Variants in EGFL8 observed in about 807,000 individuals in gnomAD.
EGFL8 encodes the protein epidermal growth factor-like protein 8.
EGFL8 carries 32 observed loss-of-function variants against 39.4 expected under a neutral mutation model. The ratio of observed to expected loss-of-function variants is 0.81; its 90% CI spans 0.61 to 1.09. The LOEUF (loss-of-function observed/expected upper bound fraction) is 1.09, where lower values mean the gene tolerates loss of function less well. Ranked by LOEUF, EGFL8 falls within the 50% of genes least tolerant of loss-of-function variation. The pLI is 0.00. For missense variants in EGFL8, 385 were observed against 402.2 expected (o/e 0.96, Z 0.37); for synonymous variants, 177 against 168.5 (o/e 1.05, Z -0.39).
Position 32,166,071 on chromosome 6 carries a change from A to G in EGFL8, c.-28-67A>G. 1 of 1,263,638 alleles carries G rather than the reference A, an allele frequency of 7.9e-7. No homozygotes were observed. Among genetic ancestry groups the G allele is most frequent in the Non-Finnish European group, 1.1e-6 (1 of 869,822 alleles). 78.3% of individuals were successfully genotyped at this position (1,263,638 alleles called of 1,614,324 possible). ...GAGGGTACCTGCAGAGTGCCCTTGGAGGGACTAGTGCTGGAGAAATTAATA... is the reference window on the plus strand; with the variant it reads ...GAGGGTACCTGCAGAGTGCCCTTGGGGGGACTAGTGCTGGAGAAATTAATA... On this transcript the variant is annotated intron_variant, in intron 1 of 8. Coordinates refer to ENST00000333845, the MANE Select transcript of EGFL8 (RefSeq NM_030652.4). The surrounding 1 kb of genome is among the most constrained non-coding windows in gnomAD (Gnocchi z 7.3).
rs549541405 is a variant in EGFL8 at position 32,166,874 on chromosome 6, C to T, written c.335-36C>T. The T allele has an allele frequency of 6.9e-6, 11 of 1,589,928 alleles. No individual in the cohort carries two copies. The highest frequency in any genetic ancestry group is 7.7e-6 in the Non-Finnish European group (9 of 1,166,470). On this transcript the variant is annotated intron_variant, in intron 4 of 8. Transcript: ENST00000333845. The surrounding 1 kb of genome is among the most constrained non-coding windows in gnomAD (Gnocchi z 7.3). ...CCACGGAGCTGGGGAGCTGGGTCGT[C>T]GGTTTGAGTCTGAACCCCACTTCCT...
Position 32,166,005 on chromosome 6 carries a change from C to G in EGFL8, c.-28-133C>G. On this transcript the variant is annotated intron_variant, in intron 1 of 8. Coordinates refer to ENST00000333845, the MANE Select transcript of EGFL8 (RefSeq NM_030652.4). This position sits in a 1 kb window ranked among gnomAD's most constrained non-coding sequence, Gnocchi z 7.3. ...GTTGTACACACAGGTGTAGGCAATC[C>G]TGGTGGCTAGTATGTAAAAGTGAAT... 1.4e-6 allele frequency: 1 copy of G among 692,260 alleles called. No homozygotes were observed. Among genetic ancestry groups the G allele is most frequent in the Non-Finnish European group, 2.6e-6 (1 of 383,420 alleles). The allele number at this position is 692,260 out of a possible 1,614,324, so 42.9% of individuals were successfully genotyped here.
Position 32,166,983 on chromosome 6 carries a change from G to T in EGFL8, c.408G>T (p.Trp136Cys). 6.2e-7 allele frequency: 1 copy of T among 1,613,106 alleles called. No individual in the cohort carries two copies. Among genetic ancestry groups the T allele is most frequent in the South Asian group, 1.1e-5 (1 of 91,084 alleles). Residue 136 changes from tryptophan to cysteine, a missense_variant, in exon 5 of 9, where the codon TGG becomes TGT. Transcript: ENST00000333845. The surrounding 1 kb of genome is among the most constrained non-coding windows in gnomAD (Gnocchi z 7.3). ...RPDQCECAPG[W>C]GGKHCHVDVD... ...ACCAGTGCGAGTGCGCCCCCGGCTG[G>T]GGAGGGAAGCACTGTCATGTGGGTG...
Position 32,167,404 on chromosome 6 carries a change from G to C in EGFL8, c.656G>C (p.Arg219Pro), listed in dbSNP as rs138835391. 1.9e-6 allele frequency: 3 copies of C among 1,613,068 alleles called. No homozygotes were observed. The highest frequency in any genetic ancestry group is 2.5e-6 in the Non-Finnish European group (3 of 1,180,024). ...RALKQEIHEL[R>P]GRLERLEQWA... The stretch of plus-strand genomic sequence containing the variant: ...CTGAAGCAGGAGATTCACGAGCTGC[G>C]AGGGCGCCTGGAGCGGCTGGAGCAG... The change falls in exon 7 of 9, where the codon CGA becomes CCA. Residue 219 changes from arginine to proline, a missense_variant. By Grantham distance (103) the Arg-to-Pro change is moderately radical (BLOSUM62 -2). Coordinates refer to ENST00000333845, the MANE Select transcript of EGFL8 (RefSeq NM_030652.4). The surrounding 1 kb of genome is among the most constrained non-coding windows in gnomAD (Gnocchi z 6.4).
chr6:32,167,610 ATC>A lies in EGFL8; in HGVS notation c.794_795del (p.Leu265GlnfsTer17), dbSNP rs1784653626. On this transcript the variant is annotated frameshift_variant, in exon 8 of 9. Coordinates refer to ENST00000333845, the MANE Select transcript of EGFL8 (RefSeq NM_030652.4). LOFTEE classifies it high-confidence loss of function. This position sits in a 1 kb window ranked among gnomAD's most constrained non-coding sequence, Gnocchi z 6.4. ...ELWGRGDRIE[S>X]LSDQVLLLEE... is the part of the protein sequence containing the mutation. Reference sequence around the variant, plus strand: ...TGTGGGGCCGGGGTGACCGGATCGAATCTCTCAGCGACCAGGTGCTGCTGCTG... The same window carrying A: ...TGTGGGGCCGGGGTGACCGGATCGAATCTCAGCGACCAGGTGCTGCTGCTG... 1 of 1,611,244 alleles carries A rather than the reference ATC, an allele frequency of 6.2e-7. No homozygotes were observed. The highest frequency in any genetic ancestry group is 1.3e-5 in the African/African-American group (1 of 75,018).
rs1227629308 is a variant in EGFL8, at chr6:32,166,097, G to T, written c.-28-41G>T. On this transcript the variant is annotated intron_variant, in intron 1 of 8. Transcript: ENST00000333845. This position sits in a 1 kb window ranked among gnomAD's most constrained non-coding sequence, Gnocchi z 7.3. ...GGGACTAGTGCTGGAGAAATTAATAGGAGAGGGGACGGGCATCCATTAACC... is the reference window on the plus strand; with the variant it reads ...GGGACTAGTGCTGGAGAAATTAATATGAGAGGGGACGGGCATCCATTAACC... 4.0e-6 allele frequency: 6 copies of T among 1,508,286 alleles called. No homozygotes were observed. The Admixed American group carries it at 1.0e-4, about 26-fold the overall frequency. The allele number at this position is 1,508,286 out of a possible 1,614,324, so 93.4% of individuals were successfully genotyped here.
In EGFL8 at chr6:32,166,188, G is replaced by C; in HGVS notation, c.23G>C (p.Cys8Ser). The C allele has an allele frequency of 6.2e-7, 1 of 1,614,144 alleles. No homozygotes were observed. Among genetic ancestry groups the C allele is most frequent in the Non-Finnish European group, 8.5e-7 (1 of 1,180,008 alleles). Residue 8 changes from cysteine (C) to serine (S), a missense_variant, in exon 2 of 9, where the codon TGC (cysteine) becomes TCC (serine). Transcript: ENST00000333845. This position sits in a 1 kb window ranked among gnomAD's most constrained non-coding sequence, Gnocchi z 7.3. ...ATCATGGGGTCCAGGGCTGAGCTGT[G>C]CACTCTCTTAGGCGGATTCTCCTTC... MGSRAEL[C>S]TLLGGFSFLL...
rs1481606137 is a variant in EGFL8 at position 32,166,351 on chromosome 6, A to G, written c.101+85A>G. On this transcript the variant is annotated intron_variant, in intron 2 of 8. Coordinates refer to ENST00000333845, the MANE Select transcript of EGFL8 (RefSeq NM_030652.4). The surrounding 1 kb of genome is among the most constrained non-coding windows in gnomAD (Gnocchi z 7.3). ...TGGGGCTTCACAGGAGGCAAAACAT[A>G]ACTGTAAGTTTAGAATGGGGGTGAG... The G allele has an allele frequency of 1.5e-5, 24 of 1,592,458 alleles. No homozygotes were observed. The highest frequency in any genetic ancestry group is 2.1e-5 in the Non-Finnish European group (24 of 1,162,658).
In EGFL8 at chr6:32,167,553, T is replaced by C; in HGVS notation, c.732T>C (p.Pro244=). The change falls in exon 8 of 9, where the codon CCT becomes CCC. Residue 244 remains proline, a synonymous_variant. Coordinates refer to ENST00000333845, the MANE Select transcript of EGFL8 (RefSeq NM_030652.4). The surrounding 1 kb of genome is among the most constrained non-coding windows in gnomAD (Gnocchi z 6.4). ...AWVRAVLPVP[P]EELQPEQVAE... ...TCAGAGCGGTGCTGCCCGTGCCGCC[T>C]GAAGAGCTGCAGCCAGAACAGGTGG... 1 of 1,609,542 alleles carries C rather than the reference T, an allele frequency of 6.2e-7. No homozygotes were observed. Among genetic ancestry groups the C allele is most frequent in the Non-Finnish European group, 8.5e-7 (1 of 1,179,842 alleles).
Position 32,166,676 on chromosome 6 carries a change from T to C in EGFL8, c.225-25T>C. 1 of 1,613,558 alleles carries C rather than the reference T, an allele frequency of 6.2e-7. No homozygotes were observed. Among genetic ancestry groups the C allele is most frequent in the South Asian group, 1.1e-5 (1 of 91,060 alleles). On this transcript the variant is annotated intron_variant, in intron 3 of 8. Transcript: ENST00000333845. The surrounding 1 kb of genome is among the most constrained non-coding windows in gnomAD (Gnocchi z 7.3). ...CCCCAACTAGGACCCGTACTCAGGG[T>C]CCTGAGCCGGGCGCTGTGTTCCAGG...
rs1205501733 is a variant in EGFL8 at position 32,168,207 on chromosome 6, C to G, written c.*251C>G. On this transcript the variant is annotated 3_prime_UTR_variant, in exon 9 of 9. Coordinates refer to ENST00000333845, the MANE Select transcript of EGFL8 (RefSeq NM_030652.4). The surrounding 1 kb of genome is among the most constrained non-coding windows in gnomAD (Gnocchi z 4.5). Reference sequence around the variant, plus strand: ...CCTTAACAAATGCAACCACCAACACCCAGATCTCTCTCTCTCTTTATTTTC... The same window carrying G: ...CCTTAACAAATGCAACCACCAACACGCAGATCTCTCTCTCTCTTTATTTTC... 1 of 511,242 alleles carries G rather than the reference C, an allele frequency of 2.0e-6. No homozygotes were observed. Among genetic ancestry groups the G allele is most frequent in the Non-Finnish European group, 3.5e-6 (1 of 285,648 alleles). 31.7% of individuals were successfully genotyped at this position (511,242 alleles called of 1,614,324 possible). A position where few individuals can be genotyped will look rare whatever the true frequency, so the allele number is the denominator to read the frequency against.
At chr6:32,165,752 T>A (rs1784434369) in intron 1 of EGFL8, 2 of 255,454 alleles carry the variant, frequency 7.8e-6, no homozygotes, top group Non-Finnish European at 1.5e-5. Flanking sequence ...TGCCATTGCA[T>A]TCCAGCCTGG....
chr6:32,166,296 G>A lies in EGFL8; in HGVS notation c.101+30G>A. On this transcript the variant is annotated intron_variant, in intron 2 of 8. Transcript: ENST00000333845. The surrounding 1 kb of genome is among the most constrained non-coding windows in gnomAD (Gnocchi z 7.3). Reference sequence around the variant, plus strand: ...CAACAGAGGGGGTAGGGCCCGGGGTGAGCTCTTCTCAGGAGCCTTCTGCTG... The same window carrying A: ...CAACAGAGGGGGTAGGGCCCGGGGTAAGCTCTTCTCAGGAGCCTTCTGCTG... The A allele has an allele frequency of 6.2e-7, 1 of 1,611,524 alleles. No homozygotes were observed. Among genetic ancestry groups the A allele is most frequent in the South Asian group, 1.1e-5 (1 of 91,004 alleles).
intron 1 of EGFL8, chr6:32,165,786 CA>C (rs1009054759): frequency 2.9e-6 from 1 of 339,246 alleles, no homozygotes; most frequent in Non-Finnish European, 5.4e-6. Context: ...AACTCCTTCT[CA>C]AAAACAAAAA....
Position 32,166,201 on chromosome 6 carries a change from C to G in EGFL8, c.36C>G (p.Gly12=). The G allele has an allele frequency of 1.9e-6, 3 of 1,614,058 alleles. No homozygotes were observed. The South Asian group carries it at 3.3e-5, about 18-fold the overall frequency. Residue 12 remains glycine, a synonymous_variant, in exon 2 of 9, where the codon GGC becomes GGG. Coordinates refer to ENST00000333845, the MANE Select transcript of EGFL8 (RefSeq NM_030652.4). The surrounding 1 kb of genome is among the most constrained non-coding windows in gnomAD (Gnocchi z 7.3). ...GGGCTGAGCTGTGCACTCTCTTAGG[C>G]GGATTCTCCTTCCTCCTGCTACTGA... The part of the protein sequence containing the change: ...GSRAELCTLL[G]GFSFLLLLIP...
chr6:32,166,258 CAG>C lies in EGFL8; in HGVS notation c.100_101del (p.Gln35GlyfsTer76), dbSNP rs1220486376. 3.7e-6 allele frequency: 6 copies of C among 1,613,776 alleles called. No individual in the cohort carries two copies. Among genetic ancestry groups the C allele is most frequent in the African/African-American group, 1.3e-5 (1 of 74,902 alleles). On this transcript the variant is annotated frameshift_variant, in exon 2 of 9. Transcript: ENST00000333845. LOFTEE classifies it high-confidence loss of function. This position sits in a 1 kb window ranked among gnomAD's most constrained non-coding sequence, Gnocchi z 7.3. ...GCGAGGGGGCCAAGGGTGGATCCCT[CAG>C]AGAGAGGTGACAACAGAGGGGGTAG... ...PGEGAKGGSL[R>X]ESQGVCSKQT...
At position 32,167,289 on chromosome 6, in the gene EGFL8, G is replaced by T; in HGVS notation, c.601+32G>T. ...GGGCAGGAGTACGGGCCACCCGAGG[G>T]ACTCGGGACGGGCGTCCGGGCTCGG... On this transcript the variant is annotated intron_variant, in intron 6 of 8. Coordinates refer to ENST00000333845, the MANE Select transcript of EGFL8 (RefSeq NM_030652.4). The surrounding 1 kb of genome is among the most constrained non-coding windows in gnomAD (Gnocchi z 6.4). 1 of 1,430,996 alleles carries T rather than the reference G, an allele frequency of 7.0e-7. No individual in the cohort carries two copies. Among genetic ancestry groups the T allele is most frequent in the Non-Finnish European group, 9.6e-7 (1 of 1,037,130 alleles). The allele number at this position is 1,430,996 out of a possible 1,614,324, so 88.6% of individuals were successfully genotyped here. A position where few individuals can be genotyped will look rare whatever the true frequency, so the allele number is the denominator to read the frequency against.
chr6:32,165,808 C>A lies in EGFL8; in HGVS notation c.-28-330C>A, dbSNP rs149318336. On this transcript the variant is annotated intron_variant, in intron 1 of 8. Transcript: ENST00000333845. ...TCTCAAAAACAAAAACAAAAAAAAA[C>A]CCAAAAAAAGACAGGAGGGTCATAA... The A allele has an allele frequency of 3.5e-3, 1,350 of 384,312 alleles. 20 individuals carry two copies. The highest frequency in any genetic ancestry group is 0.025 in the African/African-American group (1,210 of 49,318). The allele number at this position is 384,312 out of a possible 1,614,324, so 23.8% of individuals were successfully genotyped here. A position where few individuals can be genotyped will look rare whatever the true frequency, so the allele number is the denominator to read the frequency against.
In EGFL8 at chr6:32,164,792, G is replaced by C. The variant is rs568874520; in HGVS notation, c.-29+135G>C. 2 of 635,294 alleles carry C rather than the reference G, an allele frequency of 3.1e-6. No individual in the cohort carries two copies. Among genetic ancestry groups the C allele is most frequent in the Non-Finnish European group, 2.9e-6 (1 of 343,838 alleles). 39.4% of individuals were successfully genotyped at this position (635,294 alleles called of 1,614,324 possible). ...GGAGCAAGGGATGTGCATTTAGGGC[G>C]TTATGTGACGGTGTGGGTATATGAG... is the stretch of plus-strand genomic sequence containing the variant. On this transcript the variant is annotated intron_variant, in intron 1 of 8. Coordinates refer to ENST00000333845, the MANE Select transcript of EGFL8 (RefSeq NM_030652.4). This position sits in a 1 kb window ranked among gnomAD's most constrained non-coding sequence, Gnocchi z 5.4.
Sources: gnomAD v4.1 joint callset for allele counts on GRCh38, gnomAD v4.1.1 for gene constraint, Gnocchi (gnomAD v3.1) non-coding constraint, MANE v1.5 for transcripts, NCBI Gene and HGNC (gene_info 2026-07-23, HGNC 2026-07-21) for gene names.